Variants in THSD7B observed in about 807,000 individuals in gnomAD.
THSD7B encodes thrombospondin type-1 domain-containing protein 7B.
A neutral mutation model predicts 213.6 loss-of-function variants in THSD7B; 138 were observed. The ratio of observed to expected loss-of-function variants is 0.65; its 90% CI spans 0.56 to 0.74. The LOEUF (loss-of-function observed/expected upper bound fraction) is 0.74. THSD7B is among the 30% of genes least tolerant of loss of function. The pLI is 0.00. For missense variants in THSD7B, 1,931 were observed against 1,991.5 expected (o/e 0.97, Z 0.58); for synonymous variants, 742 against 687.0 (o/e 1.08, Z -1.25).
intron 1 of THSD7B, among the ~76,000 whole-genome samples, chr2:136,859,837 G>C (rs1683232227): frequency 6.6e-6 from 1 of 152,126 alleles, no homozygotes; most frequent in South Asian, 2.1e-4. Context: ...GAAGACCTGA[G>C]ACACATTAGC....
chr2:136,891,803 A>G (rs1454410902), intron 2 of THSD7B, among the ~76,000 whole-genome samples: 1 of 152,224 alleles, frequency 6.6e-6, no homozygotes, highest in Non-Finnish European at 1.5e-5. Context: ...ATTGCTGTGT[A>G]ATAGCTCACC....
intron 12 of THSD7B, among the ~76,000 whole-genome samples, chr2:137,362,706 C>T (rs1009985219): frequency 5.9e-5 from 9 of 152,248 alleles, no homozygotes; most frequent in South Asian, 2.1e-4. Context: ...TATATATGCA[C>T]CCAATACAGG....
chr2:137,605,541 A>G (rs2104827477), intron 17 of THSD7B, among the ~76,000 whole-genome samples: 1 of 152,076 alleles, frequency 6.6e-6, no homozygotes, highest in East Asian at 1.9e-4. Context: ...CAAGGAACAT[A>G]CAGTCTACTG....
intron 5 of THSD7B, among the ~76,000 whole-genome samples, chr2:137,120,710 T>A (rs1451010100): frequency 2.0e-5 from 3 of 152,146 alleles, no homozygotes; most frequent in African/African-American, 4.8e-5. Flanking sequence ...TCACAGATGC[T>A]CCAGATCTCT....
intron 10 of THSD7B, among the ~76,000 whole-genome samples, chr2:137,257,488 C>T (rs556903747): frequency 2.0e-5 from 3 of 152,274 alleles, no homozygotes; most frequent in African/African-American, 7.2e-5. Flanking sequence ...ACAAAGTCCC[C>T]ACATTCCCAT....
chr2:136,992,640 G>A (rs1685809163), intron 2 of THSD7B, among the ~76,000 whole-genome samples: 1 of 152,198 alleles, frequency 6.6e-6, no homozygotes, highest in Non-Finnish European at 1.5e-5. Context: ...AAGGCATGAA[G>A]GAGGTAGGAC....
Position 137,512,836 on chromosome 2 carries a change from G to A in THSD7B, c.3139-50385G>A, listed in dbSNP as rs1679994717. ...CACAGCTAATACTTACCCCCATGAG[G>A]CAGTAATAATATTTTTCTCACTTTC... On this transcript the variant is annotated intron_variant, in intron 15 of 27. Transcript: ENST00000409968. Among the ~76,000 whole-genome samples the A allele has an allele frequency of 2.0e-5, 3 of 152,064 alleles. No individual in the cohort carries two copies. In the East Asian group the frequency reaches 5.8e-4, roughly 29 times the overall value.
intron 20 of THSD7B, among the ~76,000 whole-genome samples, chr2:137,622,887 T>G (rs1166192735): frequency 1.3e-5 from 2 of 152,228 alleles, no homozygotes; most frequent in Non-Finnish European, 2.9e-5. Flanking sequence ...CACAGCCGAT[T>G]CTACCAGAGA....
intron 12 of THSD7B, among the ~76,000 whole-genome samples, chr2:137,346,319 G>A (rs572718829): frequency 6.6e-6 from 1 of 151,612 alleles, no homozygotes; most frequent in Non-Finnish European, 1.5e-5. Flanking sequence ...GTTCATATAA[G>A]TGAAATAATG....
chr2:137,056,579 A>G lies in THSD7B; in HGVS notation c.299A>G (p.His100Arg). 1 of 1,613,944 alleles carries G rather than the reference A, an allele frequency of 6.2e-7. No individual in the cohort carries two copies. Among genetic ancestry groups the G allele is most frequent in the Non-Finnish European group, 8.5e-7 (1 of 1,179,868 alleles). Residue 100 changes from histidine (H) to arginine (R), a missense_variant, in exon 3 of 28, where the codon CAC (histidine) becomes CGC (arginine). Coordinates refer to ENST00000409968, the MANE Select transcript of THSD7B (RefSeq NM_001316349.2). Reference protein sequence around the residue: ...ERSCFRVCDWHSDLFQWEVSD... With the variant: ...ERSCFRVCDWRSDLFQWEVSD... ...AGTTGTTTCCGAGTTTGTGACTGGCACAGTGACCTCTTTCAGTGGGAGGTT... is the reference window on the plus strand; with the variant it reads ...AGTTGTTTCCGAGTTTGTGACTGGCGCAGTGACCTCTTTCAGTGGGAGGTT...
In THSD7B at chr2:137,630,672, A is replaced by G. The variant is rs182339492; in HGVS notation, c.3799+9946A>G. 4.2e-3 allele frequency among the ~76,000 whole-genome samples: 634 copies of G among 152,306 alleles called. 3 individuals carry two copies. Among genetic ancestry groups the G allele is most frequent in the Middle Eastern group, 6.8e-3 (2 of 294 alleles). ...TAAGAGACCAAATTGTGGAGCTGCA[A>G]AGGTTGGAGACTATCATTAGGAAAC... is the stretch of plus-strand genomic sequence containing the variant. On this transcript the variant is annotated intron_variant, in intron 20 of 27. Coordinates refer to ENST00000409968, the MANE Select transcript of THSD7B (RefSeq NM_001316349.2).
At chr2:137,667,443 A>G (rs1166385631) in intron 26 of THSD7B, among the ~76,000 whole-genome samples, 5 of 152,226 alleles carry the variant, frequency 3.3e-5, no homozygotes, top group African/African-American at 1.2e-4. Flanking sequence ...TCAAACAACA[A>G]TGCAAACTGT....
intron 12 of THSD7B, among the ~76,000 whole-genome samples, chr2:137,306,789 A>G (rs530006855): frequency 6.6e-6 from 1 of 152,074 alleles, no homozygotes; most frequent in African/African-American, 2.4e-5. Context: ...TTGCCCAGGT[A>G]TGATTTTTAG....
intron 15 of THSD7B, among the ~76,000 whole-genome samples, chr2:137,466,487 T>A (rs926269057): frequency 2.0e-5 from 3 of 151,966 alleles, no homozygotes; most frequent in Non-Finnish European, 2.9e-5. Flanking sequence ...ATGAGATGGT[T>A]TTTTTTTATG....
rs530505626 is a variant in THSD7B, at chr2:137,314,085, A to G, written c.2500+38059A>G. On this transcript the variant is annotated intron_variant, in intron 12 of 27. Coordinates refer to ENST00000409968, the MANE Select transcript of THSD7B (RefSeq NM_001316349.2). ...CTAGATTGGGGAAGTTCTCCTGGAT[A>G]ATATCCTGCAGAGTGTTTTCCAACT... Among the ~76,000 whole-genome samples, 525 of 152,208 alleles carry G rather than the reference A, an allele frequency of 3.4e-3. 3 individuals carry two copies. The highest frequency in any genetic ancestry group is 0.012 in the African/African-American group (500 of 41,516).
intron 27 of THSD7B, among the ~76,000 whole-genome samples, chr2:137,676,111 G>T (rs1017483626): frequency 6.6e-6 from 1 of 152,198 alleles, no homozygotes; most frequent in Admixed American, 6.5e-5. Flanking sequence ...TCAGGTTCCA[G>T]GTCAGAGCAG....
At chr2:137,585,797 G>C (rs1681711193) in intron 17 of THSD7B, among the ~76,000 whole-genome samples, 1 of 152,194 alleles carries the variant, frequency 6.6e-6, no homozygotes, top group South Asian at 2.1e-4. Flanking sequence ...GTGTGGTTCT[G>C]AGAAGAATGT....
rs181999538 is a variant in THSD7B at position 136,945,983 on chromosome 2, C to T, written c.139+63666C>T. Among the ~76,000 whole-genome samples the T allele has an allele frequency of 2.2e-3, 340 of 152,268 alleles. 1 individual carries two copies. Among genetic ancestry groups the T allele is most frequent in the African/African-American group, 7.1e-3 (293 of 41,542 alleles). On this transcript the variant is annotated intron_variant, in intron 2 of 27. Transcript: ENST00000409968. ...CTGTCAGCTTGTCGAAGTCATTCTCCGTCCAGCTTTGTTTTGTTGCTGGCA... is the reference window on the plus strand; with the variant it reads ...CTGTCAGCTTGTCGAAGTCATTCTCTGTCCAGCTTTGTTTTGTTGCTGGCA...
intron 13 of THSD7B, among the ~76,000 whole-genome samples, chr2:137,406,304 A>G (rs920391607): frequency 6.6e-6 from 1 of 152,220 alleles, no homozygotes; most frequent in Non-Finnish European, 1.5e-5. Context: ...CTTTTGTGGT[A>G]TATTATTAAT....
Sources: allele counts gnomAD v4.1 joint callset (sites outside exome capture counted in the v4.1 genomes callset), GRCh38; gene constraint gnomAD v4.1.1; transcripts MANE v1.5; gene names NCBI Gene and HGNC (gene_info 2026-07-23, HGNC 2026-07-21).